FBXW10B: variants seen among roughly 807,000 people sequenced by gnomAD.
FBXW10B encodes the protein F-box and WD repeat domain containing protein 10B.
At chr17:15,566,194 T>C in the FBXW10B span, 69 of 1,612,168 alleles carry the variant, frequency 4.3e-5, no homozygotes, top group Non-Finnish European at 5.8e-5. Flanking sequence ...CCTACAGGGA[T>C]AGGCAAATTC....
chr17:15,615,918 G>A, the FBXW10B span: 22 of 1,468,812 alleles, frequency 1.5e-5, no homozygotes, highest in Non-Finnish European at 2.0e-5. Flanking sequence ...AAGATGTACA[G>A]AATGGACCAG....
chr17:15,583,648 G>A, the FBXW10B span, among the ~76,000 whole-genome samples: 1 of 151,048 alleles, frequency 6.6e-6, no homozygotes, highest in Non-Finnish European at 1.5e-5. Flanking sequence ...GCCACCCCAG[G>A]CCCTCAGCAG....
chr17:15,606,812 C>T, the FBXW10B span, among the ~76,000 whole-genome samples: 1 of 152,126 alleles, frequency 6.6e-6, no homozygotes, highest in South Asian at 2.1e-4. Context: ...TTTCCCCTAT[C>T]TTATCTGTTC....
chr17:15,577,765 T>C, the FBXW10B span, among the ~76,000 whole-genome samples: 1 of 152,204 alleles, frequency 6.6e-6, no homozygotes, highest in African/African-American at 2.4e-5. Context: ...CATAGCGTTC[T>C]CTCTTTTGCA....
the FBXW10B span, among the ~76,000 whole-genome samples, chr17:15,610,710 C>T: frequency 1.3e-4 from 20 of 152,290 alleles, no homozygotes; most frequent in Non-Finnish European, 2.9e-4. Context: ...TCCAAGATGA[C>T]AGTACAATTC....
chr17:15,589,008 C>T, the FBXW10B span: 53 of 1,611,950 alleles, frequency 3.3e-5, no homozygotes, highest in African/African-American at 4.1e-5. Context: ...GCATTGCCAA[C>T]ACATGGGTCG....
the FBXW10B span, among the ~76,000 whole-genome samples, chr17:15,590,607 TCCTTAG>T: frequency 4.7e-5 from 7 of 149,570 alleles, no homozygotes; most frequent in Admixed American, 2.0e-4. Flanking sequence ...ACGTTCCTCT[TCCTTAG>T]TTCCACCTGG....
chr17:15,594,618 G>A, the FBXW10B span: 1 of 978,420 alleles, frequency 1.0e-6, no homozygotes, highest in Admixed American at 2.5e-5. Flanking sequence ...GAGGAGGGAA[G>A]CAGAGAGGGT....
the FBXW10B span, chr17:15,568,981 T>C: frequency 1.6e-6 from 2 of 1,226,884 alleles, no homozygotes; most frequent in Non-Finnish European, 2.0e-6. Context: ...CTAACCCTCC[T>C]TCCATCTGTC....
At chr17:15,606,754 T>C in the FBXW10B span, among the ~76,000 whole-genome samples, 3 of 152,124 alleles carry the variant, frequency 2.0e-5, no homozygotes, top group Admixed American at 6.6e-5. Flanking sequence ...CACCATCTCT[T>C]CTAAAGAGCA....
chr17:15,574,848 C>T, the FBXW10B span, among the ~76,000 whole-genome samples: 1 of 152,158 alleles, frequency 6.6e-6, no homozygotes, highest in Non-Finnish European at 1.5e-5. Flanking sequence ...ATTCTGGATA[C>T]TCACACTGGT....
At chr17:15,583,258 C>T in the FBXW10B span, among the ~76,000 whole-genome samples, 3 of 116,270 alleles carry the variant, frequency 2.6e-5, no homozygotes, top group South Asian at 6.4e-4. Context: ...CCTTCTCACA[C>T]GCTGTTCCCA....
the FBXW10B span, among the ~76,000 whole-genome samples, chr17:15,589,589 AC>A: frequency 4.6e-5 from 7 of 150,714 alleles, no homozygotes; most frequent in Admixed American, 6.6e-5. Flanking sequence ...CTATAGTAAA[AC>A]TATTGAAAGA....
At chr17:15,579,199 A>C in the FBXW10B span, among the ~76,000 whole-genome samples, 2 of 152,010 alleles carry the variant, frequency 1.3e-5, no homozygotes, top group Admixed American at 1.3e-4. Flanking sequence ...GTGAAACCAC[A>C]ATCTCCACGT....
chr17:15,615,668 A>T, the FBXW10B span: 1 of 1,613,776 alleles, frequency 6.2e-7, no homozygotes, highest in Non-Finnish European at 8.5e-7. Context: ...TGCCCCAAGG[A>T]AGTGTTCATT....
the FBXW10B span, among the ~76,000 whole-genome samples, chr17:15,569,973 C>T: frequency 6.6e-6 from 1 of 152,174 alleles, no homozygotes; most frequent in Non-Finnish European, 1.5e-5. Flanking sequence ...CTTGTACATT[C>T]TGGGTATTAA....
the FBXW10B span, among the ~76,000 whole-genome samples, chr17:15,610,748 C>CA: frequency 6.6e-6 from 1 of 152,170 alleles, no homozygotes; most frequent in African/African-American, 2.4e-5. Flanking sequence ...TCTGTCAAAA[C>CA]TTCCTAGAAT....
the FBXW10B span, among the ~76,000 whole-genome samples, chr17:15,585,835 T>C: frequency 1.3e-5 from 2 of 152,274 alleles, no homozygotes; most frequent in African/African-American, 4.8e-5. Context: ...CGCTTTTTCT[T>C]TGACTGGACC....
chr17:15,592,931 C>T, the FBXW10B span, among the ~76,000 whole-genome samples: 3 of 151,446 alleles, frequency 2.0e-5, no homozygotes, highest in Non-Finnish European at 4.4e-5. Context: ...GGTGAAACCC[C>T]GTCTCTACTA....
Sources: gnomAD v4.1 joint callset for allele counts (sites outside exome capture counted in the v4.1 genomes callset) on GRCh38, gnomAD v4.1.1 for gene constraint, MANE v1.5 for transcripts, NCBI Gene and HGNC (gene_info 2026-07-23, HGNC 2026-07-21) for gene names.